GNPDA2: variants seen among roughly 807,000 people sequenced by gnomAD.
The protein encoded by GNPDA2 is glcN6P deaminase 2.
Under a neutral mutation model 27.0 loss-of-function variants are expected in GNPDA2, and 24 were observed. The ratio of observed to expected loss-of-function variants is 0.89; its 90% CI spans 0.64 to 1.25. The LOEUF (loss-of-function observed/expected upper bound fraction) is 1.25. Ranked by LOEUF, GNPDA2 falls within the 50% of genes most tolerant of loss-of-function variation. The pLI, the probability that GNPDA2 is intolerant of heterozygous loss-of-function variation, is 0.00. For missense variants in GNPDA2, 286 were observed against 335.1 expected, an observed-to-expected ratio of 0.85 and a Z score of 1.14; for synonymous variants, 94 against 108.4, an observed-to-expected ratio of 0.87 and a Z score of 0.83.
intron 6 of GNPDA2, chr4:44,705,345 A>G: frequency 1.0e-6 from 1 of 985,044 alleles, no homozygotes; most frequent in East Asian, 1.1e-4. Context: ...GCCCATATGT[A>G]GCCCAGAATG....
chr4:44,718,243 C>A, intron 3 of GNPDA2, 66 bp downstream of exon 3: 2 of 615,048 alleles, frequency 3.3e-6, no homozygotes, highest in Middle Eastern at 2.7e-4. Flanking sequence ...TATTCTAAAA[C>A]TACATTCATT....
chr4:44,714,652 A>G (rs184490947), intron 4 of GNPDA2: 1 of 984,904 alleles, frequency 1.0e-6, no homozygotes, highest in African/African-American at 1.7e-5. Flanking sequence ...GTTTTTATTA[A>G]CCAAACCCTG....
intron 4 of GNPDA2, chr4:44,714,626 T>C: frequency 3.0e-6 from 3 of 984,966 alleles, no homozygotes; most frequent in Non-Finnish European, 3.6e-6. Context: ...TGATCCCATT[T>C]GGCACAGTTC....
chr4:44,719,793 AAAAAAAAGAACTGGTT>A (rs1717556535), intron 2 of GNPDA2, among the ~76,000 whole-genome samples: 1 of 151,894 alleles, frequency 6.6e-6, no homozygotes. Context: ...AGACTGAAGA[AAAAAAAAGAACTGGTT>A]AAAGAAACTT....
Position 44,701,883 on chromosome 4 carries a change from T to A in GNPDA2, c.*1198A>T. On this transcript the variant is annotated 3_prime_UTR_variant, in exon 7 of 7. Coordinates refer to ENST00000295448, the MANE Select transcript of GNPDA2 (RefSeq NM_138335.3). ...CCTATTACCAATTTTATTTCATTAA[T>A]TTATTTGCTATTTTAATATTTTAAG... is the stretch of plus-strand genomic sequence containing the variant. 1 of 979,268 alleles carries A rather than the reference T, an allele frequency of 1.0e-6. No homozygotes were observed. Among genetic ancestry groups the A allele is most frequent in the Non-Finnish European group, 1.2e-6 (1 of 824,352 alleles). The allele number at this position is 979,268 out of a possible 1,614,324, so 60.7% of individuals were successfully genotyped here.
intron 5 of GNPDA2, among the ~76,000 whole-genome samples, chr4:44,709,665 T>C (rs1033118884): frequency 6.6e-6 from 1 of 152,140 alleles, no homozygotes; most frequent in Non-Finnish European, 1.5e-5. Flanking sequence ...TAAACTGATA[T>C]AAGTGATTTA....
chr4:44,723,164 T>C (rs1203959249), intron 1 of GNPDA2, among the ~76,000 whole-genome samples: 1 of 152,168 alleles, frequency 6.6e-6, no homozygotes, highest in Non-Finnish European at 1.5e-5. Context: ...ACAATGTAGG[T>C]TGACTTATAC....
At position 44,718,377 on chromosome 4, in the gene GNPDA2, A is replaced by ATTAGT; in HGVS notation, c.153_157dup (p.Ile53AsnfsTer2). The ATTAGT allele has an allele frequency of 7.2e-7, 1 of 1,379,450 alleles. No homozygotes were observed. Among genetic ancestry groups the ATTAGT allele is most frequent in the Non-Finnish European group, 9.9e-7 (1 of 1,005,842 alleles). The allele number at this position is 1,379,450 out of a possible 1,614,324, so 85.5% of individuals were successfully genotyped here. On this transcript the variant is annotated stop_gained and frameshift_variant, in exon 3 of 7. Coordinates refer to ENST00000295448, the MANE Select transcript of GNPDA2 (RefSeq NM_138335.3). LOFTEE classifies it high-confidence loss of function. ...AAGGTGTCCATTCTTATGATATTCT[A>ATTAGT]TTAGTTTTTTATAGCATCCTAAAGG...
intron 1 of GNPDA2, among the ~76,000 whole-genome samples, chr4:44,725,522 AAC>A (rs1577600347): frequency 6.6e-6 from 1 of 152,214 alleles, no homozygotes; most frequent in Non-Finnish European, 1.5e-5. Flanking sequence ...ATTTGTTAAG[AAC>A]ACCACACATC....
chr4:44,703,232 C>T, intron 6 of GNPDA2, 90 bp from the exon 7 acceptor site: 1 of 1,499,478 alleles, frequency 6.7e-7, no homozygotes, highest in South Asian at 1.3e-5. Flanking sequence ...TTATAAGACA[C>T]AGTAAGCCTG....
chr4:44,706,695 A>C (rs892681659), intron 6 of GNPDA2: 4 of 151,970 alleles, frequency 2.6e-5, no homozygotes, highest in African/African-American at 9.7e-5. Flanking sequence ...ATCTGACACC[A>C]GTTTTAAGAC....
intron 4 of GNPDA2, among the ~76,000 whole-genome samples, chr4:44,714,921 G>A (rs1717183161): frequency 6.6e-6 from 1 of 152,166 alleles, no homozygotes; most frequent in Admixed American, 6.5e-5. Context: ...AAGAGGCACA[G>A]GAACTCTCTT....
At position 44,701,910 on chromosome 4, in the gene GNPDA2, AACT is replaced by A; in HGVS notation, c.*1168_*1170del. On this transcript the variant is annotated 3_prime_UTR_variant, in exon 7 of 7. Transcript: ENST00000295448. ...TATTTGCTATTTTAATATTTTAAGA[AACT>A]ACATTTTAATCACATAGACAAGCAG... The A allele has an allele frequency of 2.0e-6, 2 of 982,842 alleles. No homozygotes were observed. Among genetic ancestry groups the A allele is most frequent in the Non-Finnish European group, 2.4e-6 (2 of 827,668 alleles). The allele number at this position is 982,842 out of a possible 1,614,324, so 60.9% of individuals were successfully genotyped here.
intron 6 of GNPDA2, chr4:44,704,755 T>G (rs1716483394): frequency 2.0e-6 from 2 of 984,552 alleles, no homozygotes; most frequent in Non-Finnish European, 2.4e-6. Context: ...ATGTCACAGA[T>G]TCTAACCAAT....
intron 4 of GNPDA2, among the ~76,000 whole-genome samples, chr4:44,714,962 G>A (rs1341502986): frequency 1.3e-5 from 2 of 152,118 alleles, no homozygotes; most frequent in African/African-American, 2.4e-5. Context: ...GAGGAGCGGG[G>A]AAACAACTAC....
At chr4:44,726,425 A>G (rs1994693) in intron 1 of GNPDA2, 49 bp downstream of exon 1, 80,227 of 151,986 alleles carry the variant, frequency 0.53, 22,599 homozygotes, top group Non-Finnish European at 0.64. Flanking sequence ...GGGTCCCCCG[A>G]CCCGAGTCCC....
At position 44,725,646 on chromosome 4, in the gene GNPDA2, C is replaced by T. The variant is rs141452980; in HGVS notation, c.-36+828G>A. On this transcript the variant is annotated intron_variant, in intron 1 of 6. Transcript: ENST00000295448. ...ACCTCCAAAAGTCCCAAATGAATCC[C>T]TTCACCCAGAGCAAAGAAGAATTTC... Among the ~76,000 whole-genome samples, 149 of 152,308 alleles carry T rather than the reference C, an allele frequency of 9.8e-4. 1 individual carries two copies. The Middle Eastern group carries it at 0.014, about 14-fold the overall frequency.
chr4:44,718,675 T>C lies in GNPDA2; in HGVS notation c.125-265A>G, dbSNP rs76319161. On this transcript the variant is annotated intron_variant, in intron 2 of 6. Transcript: ENST00000295448. ...AGTTGTTGGGTACTGGGATATACTA[T>C]AACAAATTCTAAGATTAGAAGCTTC... 9.5e-3 allele frequency among the ~76,000 whole-genome samples: 1,439 copies of C among 152,016 alleles called. 10 individuals carry two copies. The highest frequency in any genetic ancestry group is 0.014 in the Non-Finnish European group (964 of 67,820).
chr4:44,719,681 T>C (rs1347418618), intron 2 of GNPDA2, among the ~76,000 whole-genome samples: 2 of 151,998 alleles, frequency 1.3e-5, no homozygotes, highest in African/African-American at 2.4e-5. Context: ...AGATGAGTTA[T>C]AGGAGTCTCT....
Sources: gnomAD v4.1 joint callset for allele counts (sites outside exome capture counted in the v4.1 genomes callset) on GRCh38, gnomAD v4.1.1 for gene constraint, MANE v1.5 for transcripts, NCBI Gene and HGNC (gene_info 2026-07-23, HGNC 2026-07-21) for gene names.